APOB: variants seen among roughly 807,000 people sequenced by gnomAD.
The protein encoded by APOB is apolipoprotein B-100.
APOB carries 153 observed loss-of-function variants against 314.1 expected under a neutral mutation model. That is an observed-to-expected ratio of 0.49 (90% CI 0.43 to 0.56). The LOEUF is 0.56. Among genes scored for constraint, APOB ranks in the 20% least tolerant of loss-of-function variants. The pLI is 0.00. For synonymous variants in APOB, 2,087 were observed against 2,036.4 expected, an observed-to-expected ratio of 1.02 and a Z score of -0.67; for missense variants, 5,430 against 5,350.7, an observed-to-expected ratio of 1.01 and a Z score of -0.46.
rs1451325201 is a variant in APOB, at chr2:21,011,274, C to G, written c.5594G>C (p.Ser1865Thr). Residue 1865 changes from serine (S) to threonine (T), a missense_variant, in exon 26 of 29, where the codon AGC (serine) becomes ACC (threonine). By Grantham distance (58) the Ser-to-Thr change is moderately conservative (BLOSUM62 1). Transcript: ENST00000233242. Reference sequence around the variant, plus strand: ...AGCGATGTCTGTGTTGAGCCGATGGCTAAACTCCACACCCTGAACCTTAGC... The same window carrying G: ...AGCGATGTCTGTGTTGAGCCGATGGGTAAACTCCACACCCTGAACCTTAGC... Reference protein sequence around the residue: ...TVAKVQGVEFSHRLNTDIAGL... With the variant: ...TVAKVQGVEFTHRLNTDIAGL... 1.2e-6 allele frequency: 2 copies of G among 1,614,204 alleles called. No homozygotes were observed. Among genetic ancestry groups the G allele is most frequent in the Non-Finnish European group, 1.7e-6 (2 of 1,180,018 alleles).
intron 19 of APOB, 95 bp downstream of exon 19, chr2:21,019,628 G>A: frequency 7.6e-7 from 1 of 1,316,828 alleles, no homozygotes; most frequent in South Asian, 1.2e-5. Context: ...TAGTGACAGG[G>A]TCTTACAACA....
chr2:21,023,634 A>T lies in APOB; in HGVS notation c.2495T>A (p.Met832Lys). 1 of 1,614,116 alleles carries T rather than the reference A, an allele frequency of 6.2e-7. No individual in the cohort carries two copies. The highest frequency in any genetic ancestry group is 1.1e-5 in the South Asian group (1 of 91,078). The stretch of plus-strand genomic sequence containing the variant: ...AGTGGGGAGTTCAAAGGCATTCTCC[A>T]TGAAGATGTAGTGAAGAAAAAAGTC... Reference protein sequence around the residue: ...KNDFFLHYIFMENAFELPTGA... With the variant: ...KNDFFLHYIFKENAFELPTGA... Residue 832 changes from methionine to lysine, a missense_variant, in exon 17 of 29, where the codon ATG becomes AAG. Around this residue, in one of 3 missense-constraint regions of APOB, gnomAD observed 2,085 missense variants for 2,079.7 expected, o/e 1.00. Transcript: ENST00000233242.
In APOB at chr2:21,010,805, G is replaced by A. The variant is rs556582055; in HGVS notation, c.6063C>T (p.Asp2021=). ...GTAAAAGTGGCACTTTAATTGGGGA[G>A]TCTAGTAGAGTTAGGTCAGCCAGAG... ...GRTLADLTLL[D]SPIKVPLLLS... is the part of the protein sequence containing the mutation. The change falls in exon 26 of 29, where the codon GAC becomes GAT. Residue 2021 remains aspartate, a synonymous_variant. Transcript: ENST00000233242. 3.1e-6 allele frequency: 5 copies of A among 1,614,154 alleles called. No individual in the cohort carries two copies. The African/African-American group carries it at 5.3e-5, about 17-fold the overall frequency.
intron 4 of APOB, among the ~76,000 whole-genome samples, chr2:21,040,264 T>C (rs1664099271): frequency 6.6e-6 from 1 of 152,192 alleles, no homozygotes; most frequent in African/African-American, 2.4e-5. Context: ...AATTGCCCAG[T>C]CTCAGGTATG....
Position 21,008,855 on chromosome 2 carries a change from C to G in APOB, c.8013G>C (p.Lys2671Asn), listed in dbSNP as rs771166697. Residue 2671 changes from lysine to asparagine, a missense_variant, in exon 26 of 29, where the codon AAG (lysine) becomes AAC (asparagine). Coordinates refer to ENST00000233242, the MANE Select transcript of APOB (RefSeq NM_000384.3). ...FTIDFVEMKV[K>N]IIRTIDQMLN... ...GCATCTGGTCAATGGTTCTGATGAT[C>G]TTTACTTTCATTTCTACAAAGTCAA... 5 of 1,614,056 alleles carry G rather than the reference C, an allele frequency of 3.1e-6. No individual in the cohort carries two copies. In the South Asian group the frequency reaches 4.4e-5, roughly 14 times the overall value.
chr2:21,001,644 T>C lies in APOB; in HGVS notation c.*86A>G. 2.2e-6 allele frequency: 3 copies of C among 1,379,026 alleles called. No individual in the cohort carries two copies. Among genetic ancestry groups the C allele is most frequent in the Non-Finnish European group, 3.1e-6 (3 of 976,318 alleles). The allele number at this position is 1,379,026 out of a possible 1,614,324, so 85.4% of individuals were successfully genotyped here. The stretch of plus-strand genomic sequence containing the variant: ...GCAAGGCTGGCTCACTGTATGGTTT[T>C]ATCAATATAGGCAGTTTGAATTTTT... On this transcript the variant is annotated 3_prime_UTR_variant, in exon 29 of 29. Transcript: ENST00000233242.
Position 21,019,086 on chromosome 2 carries a change from TC to T in APOB, c.3026del (p.Gly1009GlufsTer25). The T allele has an allele frequency of 6.2e-7, 1 of 1,613,990 alleles. No homozygotes were observed. Among genetic ancestry groups the T allele is most frequent in the Non-Finnish European group, 8.5e-7 (1 of 1,179,990 alleles). On this transcript the variant is annotated frameshift_variant, in exon 20 of 29. Transcript: ENST00000233242. LOFTEE classifies it high-confidence loss of function. The stretch of plus-strand genomic sequence containing the variant: ...CGCTGACAGAATACTGCTCAATCTC[TC>T]CTGTAGGCCTCAGTTCCAGCTCTAA... ...TRLELELRPTGEIEQYSVSAT... is the reference protein window; with the variant it reads ...TRLELELRPTXEIEQYSVSAT...
Position 21,015,417 on chromosome 2 carries a change from G to A in APOB, c.3461C>T (p.Ala1154Val). 1 of 1,614,176 alleles carries A rather than the reference G, an allele frequency of 6.2e-7. No individual in the cohort carries two copies. Among genetic ancestry groups the A allele is most frequent in the Non-Finnish European group, 8.5e-7 (1 of 1,180,032 alleles). ...GGAAACTGTGGAGCCATAAGCTGTAGCAGATGAGTCCATTTGGAGAAGCAG... is the reference window on the plus strand; with the variant it reads ...GGAAACTGTGGAGCCATAAGCTGTAACAGATGAGTCCATTTGGAGAAGCAG... ...AKLLLQMDSS[A>V]TAYGSTVSKR... The change falls in exon 22 of 29, where the codon GCT (alanine) becomes GTT (valine). Residue 1154 changes from alanine to valine, a missense_variant. Around this residue, in one of 3 missense-constraint regions of APOB, gnomAD observed 2,085 missense variants for 2,079.7 expected, o/e 1.00. Coordinates refer to ENST00000233242, the MANE Select transcript of APOB (RefSeq NM_000384.3).
chr2:21,033,328 A>T lies in APOB; in HGVS notation c.1095T>A (p.Ser365=). Residue 365 remains serine (S), a synonymous_variant, in exon 9 of 29, where the codon TCT becomes TCA. Coordinates refer to ENST00000233242, the MANE Select transcript of APOB (RefSeq NM_000384.3). ...ACACCTCAATCAGCTGTGGCAAGAGAGATGTGACTGCTTCATCACTGAGGC... is the reference window on the plus strand; with the variant it reads ...ACACCTCAATCAGCTGTGGCAAGAGTGATGTGACTGCTTCATCACTGAGGC... ...LRGLSDEAVT[S]LLPQLIEVSS... 6.2e-7 allele frequency: 1 copy of T among 1,614,150 alleles called. No homozygotes were observed. The highest frequency in any genetic ancestry group is 8.5e-7 in the Non-Finnish European group (1 of 1,179,988).
chr2:21,032,700 A>G, intron 9 of APOB, 119 bp from the exon 10 acceptor site: 1 of 477,500 alleles, frequency 2.1e-6, no homozygotes, highest in South Asian at 2.4e-5. Flanking sequence ...TTCAAATCTA[A>G]CTTCAAAACC....
chr2:21,043,499 C>G lies in APOB; in HGVS notation c.121+14G>C, dbSNP rs946913424. 9 of 1,599,934 alleles carry G rather than the reference C, an allele frequency of 5.6e-6. No individual in the cohort carries two copies. Among genetic ancestry groups the G allele is most frequent in the Non-Finnish European group, 7.7e-6 (9 of 1,173,208 alleles). ...GCTGGGCGCCCTTCCACGCCCCATG[C>G]GCAGATGCCTTACTTGGACAGACCA... On this transcript the variant is annotated intron_variant, in intron 2 of 28. Coordinates refer to ENST00000233242, the MANE Select transcript of APOB (RefSeq NM_000384.3).
Position 21,006,921 on chromosome 2 carries a change from G to A in APOB, c.9947C>T (p.Ser3316Phe). The change falls in exon 26 of 29, where the codon TCT (serine) becomes TTT (phenylalanine). Residue 3316 changes from serine to phenylalanine, a missense_variant. Ser to Phe is a radical substitution (Grantham distance 155). Coordinates refer to ENST00000233242, the MANE Select transcript of APOB (RefSeq NM_000384.3). ...VLHVPRNLKL[S>F]LPDFKELCTI... ...ACACAATTCCTTGAAATCTGGAAGAGAAAGCTTGAGATTTCTAGGGACATG... is the reference window on the plus strand; with the variant it reads ...ACACAATTCCTTGAAATCTGGAAGAAAAAGCTTGAGATTTCTAGGGACATG... 2.5e-6 allele frequency: 4 copies of A among 1,614,084 alleles called. No individual in the cohort carries two copies. Among genetic ancestry groups the A allele is most frequent in the Non-Finnish European group, 3.4e-6 (4 of 1,179,960 alleles).
chr2:21,011,024 G>T lies in APOB; in HGVS notation c.5844C>A (p.Gly1948=), dbSNP rs1572784020. The T allele has an allele frequency of 6.2e-7, 1 of 1,614,134 alleles. No homozygotes were observed. The highest frequency in any genetic ancestry group is 1.1e-5 in the South Asian group (1 of 91,084). The part of the protein sequence containing the change: ...LAFTFSHDYK[G]STSHHLVSRK... ...TAGACACGAGATGATGACTTGTGGA[G>T]CCTTTGTAATCATGAGAGAAAGTAA... Residue 1948 remains glycine, a synonymous_variant, in exon 26 of 29, where the codon GGC becomes GGA. Transcript: ENST00000233242.
intron 3 of APOB, among the ~76,000 whole-genome samples, chr2:21,041,869 C>G (rs1466909217): frequency 6.6e-6 from 1 of 152,210 alleles, no homozygotes; most frequent in African/African-American, 2.4e-5. Context: ...ATGTATGTAA[C>G]ATGAGTACAA....
In APOB at chr2:21,016,490, A is replaced by G. The variant is rs2103363894; in HGVS notation, c.3281T>C (p.Leu1094Pro). ...AGTAATTTTCTTGTTCTGAATGTCC[A>G]GGGTGAGTCTGTAAGACGTTTTGCC... Reference protein sequence around the residue: ...TEGKTSYRLTLDIQNKKITEV... With the variant: ...TEGKTSYRLTPDIQNKKITEV... The change falls in exon 21 of 29, where the codon CTG (leucine) becomes CCG (proline). Residue 1094 changes from leucine (L) to proline (P), a missense_variant. By Grantham distance (98) the Leu-to-Pro change is moderately conservative. Around this residue, in one of 3 missense-constraint regions of APOB, gnomAD observed 2,085 missense variants for 2,079.7 expected, o/e 1.00. Coordinates refer to ENST00000233242, the MANE Select transcript of APOB (RefSeq NM_000384.3). 1 of 1,612,146 alleles carries G rather than the reference A, an allele frequency of 6.2e-7. No individual in the cohort carries two copies. The highest frequency in any genetic ancestry group is 8.5e-7 in the Non-Finnish European group (1 of 1,178,172).
At position 21,015,089 on chromosome 2, in the gene APOB, C is replaced by A. The variant is rs776758783; in HGVS notation, c.3680G>T (p.Gly1227Val). Residue 1227 changes from glycine (G) to valine (V), a missense_variant, in exon 23 of 29, where the codon GGT becomes GTT. This residue lies in a region of APOB where 2,085 missense variants were observed against 2,079.7 expected (regional missense o/e 1.00). Transcript: ENST00000233242. ...PQTDMTFRHV[G>V]SKLIVAMSSW... Reference sequence around the variant, plus strand: ...CATACTTACAACTATTAATTTGGAACCCACGTGCCGGAAAGTCATGTCTGT... The same window carrying A: ...CATACTTACAACTATTAATTTGGAAACCACGTGCCGGAAAGTCATGTCTGT... 7 of 1,613,986 alleles carry A rather than the reference C, an allele frequency of 4.3e-6. No individual in the cohort carries two copies. Among genetic ancestry groups the A allele is most frequent in the African/African-American group, 4.0e-5 (3 of 74,908 alleles).
At chr2:21,014,929 GTT>G (rs149505602) in intron 23 of APOB, 142 bp downstream of exon 23, 1 of 880,908 alleles carries the variant, frequency 1.1e-6, no homozygotes, top group African/African-American at 1.7e-5. Flanking sequence ...ACTTGTGAAA[GTT>G]TTTTTTTCTC....
At position 21,016,462 on chromosome 2, in the gene APOB, C is replaced by T. The variant is rs755142645; in HGVS notation, c.3309G>A (p.Glu1103=). The T allele has an allele frequency of 3.7e-6, 6 of 1,609,562 alleles. No individual in the cohort carries two copies. Among genetic ancestry groups the T allele is most frequent in the Non-Finnish European group, 5.1e-6 (6 of 1,175,864 alleles). Residue 1103 remains glutamate (E), a synonymous_variant, in exon 21 of 29, where the codon GAG becomes GAA. Transcript: ENST00000233242. ...TLDIQNKKIT[E]VALMGHLSCD... ...ACCTTAGGTGGCCCATGAGGGCGACCTCAGTAATTTTCTTGTTCTGAATGT... is the reference window on the plus strand; with the variant it reads ...ACCTTAGGTGGCCCATGAGGGCGACTTCAGTAATTTTCTTGTTCTGAATGT...
rs751368655 is a variant in APOB at position 21,011,146 on chromosome 2, C to T, written c.5722G>A (p.Asp1908Asn). The T allele has an allele frequency of 4.0e-5, 65 of 1,614,166 alleles. No homozygotes were observed. Among genetic ancestry groups the T allele is most frequent in the Admixed American group, 3.0e-4 (18 of 60,026 alleles). ...SVMAPFTMTI[D>N]AHTNGNGKLA... ...TTCCCATTGCCATTTGTATGTGCAT[C>T]GATGGTCATGGTAAACGGGGCCATT... is the stretch of plus-strand genomic sequence containing the variant. Residue 1908 changes from aspartate to asparagine, a missense_variant, in exon 26 of 29, where the codon GAT becomes AAT. Physicochemically the swap from Asp to Asn is conservative, Grantham distance 23 (BLOSUM62 1). This residue lies in a region of APOB where 3,281 missense variants were observed against 3,171.0 expected (regional missense o/e 1.03). Coordinates refer to ENST00000233242, the MANE Select transcript of APOB (RefSeq NM_000384.3).
Sources: allele counts gnomAD v4.1 joint callset (sites outside exome capture counted in the v4.1 genomes callset), GRCh38; gene constraint gnomAD v4.1.1; regional missense constraint gnomAD v4.1.1; transcripts MANE v1.5; gene names NCBI Gene and HGNC (gene_info 2026-07-23, HGNC 2026-07-21).